The following USO1 variants were observed in gnomAD, a reference collection of about 807,000 sequenced individuals.
The protein encoded by USO1 is general vesicular transport factor p115.
USO1 carries 57 observed loss-of-function variants against 124.5 expected under a neutral mutation model. That is an observed-to-expected ratio of 0.46 (90% confidence interval 0.37 to 0.57). The LOEUF is 0.57. USO1 is among the 20% of genes least tolerant of loss of function. The pLI is 0.00. For missense variants in USO1, 900 were observed against 1,040.6 expected (o/e 0.86, Z 1.86); for synonymous variants, 369 against 362.8 (o/e 1.02, Z -0.19).
In USO1 at chr4:75,799,148, G is replaced by A. The variant is rs148755188; in HGVS notation, c.1453-474G>A. 3.4e-3 allele frequency among the ~76,000 whole-genome samples: 524 copies of A among 151,988 alleles called. 1 individual carries two copies. The highest frequency in any genetic ancestry group is 0.011 in the African/African-American group (476 of 41,492). On this transcript the variant is annotated intron_variant, in intron 13 of 23. Transcript: ENST00000514213. Reference sequence around the variant, plus strand: ...TCATGGAATTTGACTAAATGATTCAGGGGATTATTTTTTGCATTTTTCTTG... The same window carrying A: ...TCATGGAATTTGACTAAATGATTCAAGGGATTATTTTTTGCATTTTTCTTG...
chr4:75,758,495 A>G (rs949317550), intron 4 of USO1, among the ~76,000 whole-genome samples: 3 of 152,242 alleles, frequency 2.0e-5, no homozygotes, highest in Non-Finnish European at 2.9e-5. Context: ...ATATATGTCA[A>G]TATTAACTTC....
intron 10 of USO1, among the ~76,000 whole-genome samples, chr4:75,789,235 A>T (rs1722460114): frequency 6.6e-6 from 1 of 151,864 alleles, no homozygotes; most frequent in Admixed American, 6.6e-5. Context: ...AGTTCTGAGG[A>T]TGTTTTTGGC....
At chr4:75,730,397 A>T (rs1277212530) in intron 1 of USO1, among the ~76,000 whole-genome samples, 2 of 152,172 alleles carry the variant, frequency 1.3e-5, no homozygotes, top group Middle Eastern at 3.2e-3. Context: ...ATAGTTTCAG[A>T]TATTTTTAAA....
At chr4:75,756,556 G>C (rs1218336010) in intron 3 of USO1, among the ~76,000 whole-genome samples, 1 of 139,164 alleles carries the variant, frequency 7.2e-6, no homozygotes, top group Non-Finnish European at 1.5e-5. Flanking sequence ...GCCCAGGCTA[G>C]AGTGCAGTGG....
intron 4 of USO1, among the ~76,000 whole-genome samples, chr4:75,765,418 T>G (rs59926982): frequency 9.7e-4 from 148 of 152,270 alleles, no homozygotes; most frequent in African/African-American, 3.4e-3. Context: ...CACCAGCTCT[T>G]GTGAGATTTT....
intron 20 of USO1, among the ~76,000 whole-genome samples, chr4:75,807,454 A>G (rs1723029436): frequency 6.6e-6 from 1 of 151,942 alleles, no homozygotes; most frequent in African/African-American, 2.4e-5. Context: ...CTCTCCACTA[A>G]GCAACTGGCC....
At chr4:75,810,357 A>G in intron 21 of USO1, 75 bp from the exon 22 acceptor site, 1 of 1,440,424 alleles carries the variant, frequency 6.9e-7, no homozygotes, top group Non-Finnish European at 9.2e-7. Context: ...TGGCAAAAAA[A>G]TTAAATAACC....
intron 3 of USO1, chr4:75,755,315 A>C: frequency 2.4e-6 from 1 of 410,798 alleles, no homozygotes; most frequent in Non-Finnish European, 4.8e-6. Context: ...CATAGTTTAA[A>C]ACAATCGTCA....
intron 4 of USO1, among the ~76,000 whole-genome samples, chr4:75,763,715 G>C (rs1261633167): frequency 1.3e-5 from 2 of 151,704 alleles, no homozygotes; most frequent in African/African-American, 4.8e-5. Flanking sequence ...GGTTATAAAT[G>C]CACAATATAA....
At chr4:75,777,310 A>G (rs1029799667) in intron 8 of USO1, among the ~76,000 whole-genome samples, 2 of 152,168 alleles carry the variant, frequency 1.3e-5, no homozygotes, top group Non-Finnish European at 2.9e-5. Context: ...TGCAATACCA[A>G]AAGTGTGATC....
intron 10 of USO1, among the ~76,000 whole-genome samples, chr4:75,789,925 T>C (rs558139166): frequency 1.9e-4 from 29 of 152,196 alleles, no homozygotes; most frequent in African/African-American, 5.8e-4. Context: ...TATAATGTTA[T>C]CATTGATGTT....
chr4:75,770,363 G>T (rs755601630), intron 4 of USO1, 76 bp from the exon 5 acceptor site: 2 of 1,367,916 alleles, frequency 1.5e-6, no homozygotes, highest in Non-Finnish European at 1.9e-6. Flanking sequence ...TATCATTCAC[G>T]CTTAACTCTT....
chr4:75,765,402 T>C (rs1721742365), intron 4 of USO1, among the ~76,000 whole-genome samples: 1 of 152,196 alleles, frequency 6.6e-6, no homozygotes, highest in Admixed American at 6.5e-5. Context: ...GGTAGGCTCA[T>C]TAGCCCACCA....
At chr4:75,811,126 G>T (rs1244116787) in intron 22 of USO1, among the ~76,000 whole-genome samples, 1 of 151,756 alleles carries the variant, frequency 6.6e-6, no homozygotes, top group Non-Finnish European at 1.5e-5. Context: ...AAAATTTATT[G>T]AAAATATTTT....
At chr4:75,733,701 C>G (rs1720704262) in intron 1 of USO1, among the ~76,000 whole-genome samples, 1 of 152,094 alleles carries the variant, frequency 6.6e-6, no homozygotes, top group Non-Finnish European at 1.5e-5. Context: ...AAGTTCCTTA[C>G]AGATTCTGAA....
At chr4:75,788,463 T>C (rs1172431488) in intron 10 of USO1, among the ~76,000 whole-genome samples, 4 of 152,030 alleles carry the variant, frequency 2.6e-5, no homozygotes, top group Non-Finnish European at 5.9e-5. Flanking sequence ...CCAATGCTCC[T>C]GGCCTGGATC....
chr4:75,794,330 T>C (rs1017426453), intron 13 of USO1, among the ~76,000 whole-genome samples: 4 of 152,206 alleles, frequency 2.6e-5, no homozygotes, highest in African/African-American at 9.7e-5. Context: ...TGGTCCCTTG[T>C]ATATATAGTT....
rs1657605457 is a variant in USO1 at position 75,790,202 on chromosome 4, A to G, written c.1049A>G (p.Tyr350Cys). The change falls in exon 11 of 24, where the codon TAC (tyrosine) becomes TGC (cysteine). Residue 350 changes from tyrosine (Y) to cysteine (C), a missense_variant. Coordinates refer to ENST00000514213, the MANE Select transcript of USO1 (RefSeq NM_003715.4). ...CGAGGCTGCCAAGTAAACCAAGACT[A>G]CTTTGCATCTGTAAATGCACCTTCA... ...VIRGCQVNQD[Y>C]FASVNAPSNP... 5.0e-6 allele frequency: 8 copies of G among 1,604,084 alleles called. No individual in the cohort carries two copies. Among genetic ancestry groups the G allele is most frequent in the Non-Finnish European group, 6.8e-6 (8 of 1,175,152 alleles).
intron 13 of USO1, 135 bp from the exon 14 acceptor site, chr4:75,799,487 T>C: frequency 9.9e-7 from 1 of 1,014,706 alleles, no homozygotes; most frequent in Non-Finnish European, 1.4e-6. Context: ...TTTAGTTTTT[T>C]AAAACTGGAT....
Sources: gnomAD v4.1 joint callset for allele counts (sites outside exome capture counted in the v4.1 genomes callset) on GRCh38, gnomAD v4.1.1 for gene constraint, MANE v1.5 for transcripts, NCBI Gene and HGNC (gene_info 2026-07-23, HGNC 2026-07-21) for gene names.